DRAM1: variants seen among roughly 807,000 people sequenced by gnomAD.
The protein encoded by DRAM1 is DNA damage regulated autophagy modulator 1.
In DRAM1, 25 loss-of-function variants were observed where a neutral mutation model predicts 28.5. The ratio of observed to expected loss-of-function variants is 0.88; its 90% CI spans 0.64 to 1.23. The LOEUF (loss-of-function observed/expected upper bound fraction) is 1.23, where lower values mean the gene tolerates loss of function less well. Ranked by LOEUF, DRAM1 falls within the 50% of genes most tolerant of loss-of-function variation. The pLI, the probability that DRAM1 is intolerant of heterozygous loss-of-function variation, is 0.00. For synonymous variants in DRAM1, 113 were observed against 114.2 expected (o/e 0.99, Z 0.07); for missense variants, 249 against 299.2 (o/e 0.83, Z 1.24).
chr12:101,919,284 G>GCA (rs545205706), intron 5 of DRAM1, among the ~76,000 whole-genome samples: 1,711 of 147,546 alleles, frequency 0.012, 21 homozygotes, highest in African/African-American at 0.032. Flanking sequence ...ACACACACAC[G>GCA]CACACACACA....
At chr12:101,920,576 C>T (rs952810559) in intron 6 of DRAM1, among the ~76,000 whole-genome samples, 5 of 151,958 alleles carry the variant, frequency 3.3e-5, no homozygotes, top group African/African-American at 1.2e-4. Flanking sequence ...GGAGGTCTCA[C>T]TTACTAGTTC....
intron 1 of DRAM1, among the ~76,000 whole-genome samples, chr12:101,882,107 ATTTTTTTTT>A (rs78402038): frequency 0.028 from 3,613 of 129,406 alleles, 69 homozygotes; most frequent in Non-Finnish European, 0.044. Context: ...TGATGGTCTA[ATTTTTTTTT>A]TTTTTTTTTT....
At chr12:101,910,476 A>G (rs1401181734) in intron 4 of DRAM1, among the ~76,000 whole-genome samples, 2 of 151,066 alleles carry the variant, frequency 1.3e-5, no homozygotes, top group Non-Finnish European at 2.9e-5. Context: ...TCATTTCTAG[A>G]AAGTTTTTTT....
chr12:101,901,627 T>C, intron 3 of DRAM1, 194 bp downstream of exon 3: 1 of 594,760 alleles, frequency 1.7e-6, no homozygotes. Context: ...GGCTCACACC[T>C]GTAATCCCAG....
Position 101,901,286 on chromosome 12 carries a change from T to G in DRAM1, c.200-5T>G, listed in dbSNP as rs1566126119. ...AACATTCATCAAAGTTCTCTTCTTTTTCAGGTGCAGCCACGATGTATACAA... is the reference window on the plus strand; with the variant it reads ...AACATTCATCAAAGTTCTCTTCTTTGTCAGGTGCAGCCACGATGTATACAA... On this transcript the variant is annotated splice_region_variant and splice_polypyrimidine_tract_variant and intron_variant, in intron 2 of 6. Coordinates refer to ENST00000258534, the MANE Select transcript of DRAM1 (RefSeq NM_018370.3). 1 of 1,608,042 alleles carries G rather than the reference T, an allele frequency of 6.2e-7. No individual in the cohort carries two copies. Among genetic ancestry groups the G allele is most frequent in the Non-Finnish European group, 8.5e-7 (1 of 1,178,048 alleles).
intron 1 of DRAM1, among the ~76,000 whole-genome samples, chr12:101,888,249 C>A (rs2121032288): frequency 6.6e-6 from 1 of 152,166 alleles, no homozygotes; most frequent in East Asian, 1.9e-4. Context: ...CCTGACTCAG[C>A]CTCCCGAGTA....
chr12:101,882,995 A>G (rs536455483), intron 1 of DRAM1, among the ~76,000 whole-genome samples: 16 of 151,274 alleles, frequency 1.1e-4, no homozygotes, highest in African/African-American at 3.1e-4. Context: ...AATATGGTTT[A>G]TTTATTAAAG....
At chr12:101,916,604 C>T (rs1021885577) in intron 5 of DRAM1, among the ~76,000 whole-genome samples, 1 of 152,114 alleles carries the variant, frequency 6.6e-6, no homozygotes, top group Non-Finnish European at 1.5e-5. Flanking sequence ...CATCTAGACG[C>T]CTTATAGGAG....
intron 5 of DRAM1, among the ~76,000 whole-genome samples, chr12:101,918,344 C>G (rs1443831621): frequency 6.6e-6 from 1 of 152,218 alleles, no homozygotes; most frequent in Non-Finnish European, 1.5e-5. Flanking sequence ...AAATTCCCCC[C>G]AAAGTTCTGC....
chr12:101,915,140 C>T (rs1475795498), intron 5 of DRAM1, among the ~76,000 whole-genome samples: 3 of 151,940 alleles, frequency 2.0e-5, no homozygotes, highest in East Asian at 1.9e-4. Context: ...CCACCACCCC[C>T]GGCTACTTTT....
At chr12:101,920,030 A>G in intron 5 of DRAM1, 79 bp from the exon 6 acceptor site, 3 of 1,036,436 alleles carry the variant, frequency 2.9e-6, no homozygotes, top group Non-Finnish European at 4.1e-6. Context: ...CCTTTGGTTG[A>G]AACTCCTCAT....
intron 3 of DRAM1, among the ~76,000 whole-genome samples, chr12:101,904,738 G>A (rs902986954): frequency 5.9e-5 from 9 of 151,866 alleles, no homozygotes; most frequent in African/African-American, 2.2e-4. Flanking sequence ...ACCGCGCCTG[G>A]CTGATAGAGC....
chr12:101,900,770 A>G (rs1873571228), intron 2 of DRAM1, among the ~76,000 whole-genome samples: 1 of 152,264 alleles, frequency 6.6e-6, no homozygotes, highest in East Asian at 1.9e-4. Context: ...TGGTTTTTTG[A>G]CCCAGTAATA....
chr12:101,884,906 T>C (rs1872827867), intron 1 of DRAM1, among the ~76,000 whole-genome samples: 1 of 152,158 alleles, frequency 6.6e-6, no homozygotes, highest in South Asian at 2.1e-4. Flanking sequence ...TGTTAAATCT[T>C]CAGATGCTGA....
intron 5 of DRAM1, 153 bp from the exon 6 acceptor site, chr12:101,919,956 G>A: frequency 2.3e-6 from 1 of 438,090 alleles, no homozygotes; most frequent in Non-Finnish European, 4.0e-6. Flanking sequence ...CTGACACTTA[G>A]TAACGTGGTT....
At chr12:101,892,323 C>A (rs4764833) in intron 1 of DRAM1, among the ~76,000 whole-genome samples, 10 of 151,170 alleles carry the variant, frequency 6.6e-5, no homozygotes, top group Non-Finnish European at 1.5e-4. Flanking sequence ...GCAACCTCCA[C>A]CTCCTGGGTT....
intron 6 of DRAM1, 96 bp downstream of exon 6, chr12:101,920,297 CT>C (rs373899697): frequency 0.22 from 57,409 of 265,568 alleles, 355 homozygotes; most frequent in East Asian, 0.3. Context: ...AGAGCACTTT[CT>C]TTTTTTTTTT....
At chr12:101,890,639 A>G (rs575438162) in intron 1 of DRAM1, among the ~76,000 whole-genome samples, 1 of 152,182 alleles carries the variant, frequency 6.6e-6, no homozygotes, top group Non-Finnish European at 1.5e-5. Flanking sequence ...AGAGAGGGCA[A>G]AATTGCTTGT....
intron 1 of DRAM1, among the ~76,000 whole-genome samples, chr12:101,879,633 C>T (rs1872620265): frequency 6.6e-6 from 1 of 152,144 alleles, no homozygotes; most frequent in Non-Finnish European, 1.5e-5. Flanking sequence ...TCTCATGGCA[C>T]ATCTCAGGCC....
Sources: gnomAD v4.1 joint callset for allele counts (sites outside exome capture counted in the v4.1 genomes callset) on GRCh38, gnomAD v4.1.1 for gene constraint, MANE v1.5 for transcripts, NCBI Gene and HGNC (gene_info 2026-07-23, HGNC 2026-07-21) for gene names.